The following SGCZ variants were observed in gnomAD, a reference collection of about 807,000 sequenced individuals.
SGCZ encodes the protein zeta-sarcoglycan.
SGCZ carries 40 observed loss-of-function variants against 41.3 expected under a neutral mutation model. The observed-to-expected ratio is 0.97, with a 90% confidence interval of 0.75 to 1.26. SGCZ has a LOEUF of 1.26. Among genes scored for constraint, SGCZ ranks in the 50% most tolerant of loss-of-function variants. The pLI, the probability that SGCZ is intolerant of heterozygous loss-of-function variation, is 0.00. For synonymous variants in SGCZ, 206 were observed against 137.5 expected, an observed-to-expected ratio of 1.50 and a Z score of -3.49; for missense variants, 552 against 369.8, an observed-to-expected ratio of 1.49 and a Z score of -4.04.
intron 1 of SGCZ, among the ~76,000 whole-genome samples, chr8:15,070,561 A>G (rs940922429): frequency 6.6e-5 from 10 of 152,190 alleles, no homozygotes; most frequent in Non-Finnish European, 1.3e-4. Flanking sequence ...TGTAACGAGT[A>G]AGAATTGCAT....
At chr8:14,961,623 A>G (rs1292841910) in intron 1 of SGCZ, among the ~76,000 whole-genome samples, 2 of 152,194 alleles carry the variant, frequency 1.3e-5, no homozygotes, top group Non-Finnish European at 2.9e-5. Flanking sequence ...TTTAAGAAAA[A>G]ACATAGTACA....
At chr8:15,123,443 T>C (rs1807561748) in intron 1 of SGCZ, among the ~76,000 whole-genome samples, 1 of 152,166 alleles carries the variant, frequency 6.6e-6, no homozygotes, top group African/African-American at 2.4e-5. Context: ...ATTTTTTGGT[T>C]TAATCATAGA....
chr8:14,128,316 CT>C (rs1364110361), intron 5 of SGCZ, among the ~76,000 whole-genome samples: 3 of 152,172 alleles, frequency 2.0e-5, no homozygotes, highest in Admixed American at 6.5e-5. Flanking sequence ...CTAAATGTCA[CT>C]GATTATCAGA....
At position 15,083,183 on chromosome 8, in the gene SGCZ, C is replaced by G. The variant is rs1037209357; in HGVS notation, c.39+154402G>C. Among the ~76,000 whole-genome samples, 4 of 152,256 alleles carry G rather than the reference C, an allele frequency of 2.6e-5. No homozygotes were observed. In the South Asian group the frequency reaches 8.3e-4, roughly 32 times the overall value. The stretch of plus-strand genomic sequence containing the variant: ...GAATTGTAAAATGAAACTAAGAGAC[C>G]TACAGATTATAAACATTCATATCAA... On this transcript the variant is annotated intron_variant, in intron 1 of 7. Coordinates refer to ENST00000382080, the MANE Select transcript of SGCZ (RefSeq NM_139167.4).
At chr8:14,484,556 A>G (rs1177891456) in intron 2 of SGCZ, among the ~76,000 whole-genome samples, 2 of 152,160 alleles carry the variant, frequency 1.3e-5, no homozygotes, top group East Asian at 3.8e-4. Flanking sequence ...TTACAGTACA[A>G]TGGGAGCATC....
intron 3 of SGCZ, among the ~76,000 whole-genome samples, chr8:14,292,356 A>G (rs909901266): frequency 2.6e-5 from 4 of 152,028 alleles, no homozygotes; most frequent in African/African-American, 9.7e-5. Flanking sequence ...CCTCTGAAGG[A>G]TGTAGCTCCT....
intron 1 of SGCZ, among the ~76,000 whole-genome samples, chr8:14,800,413 G>A (rs1480282236): frequency 6.6e-6 from 1 of 152,130 alleles, no homozygotes; most frequent in Non-Finnish European, 1.5e-5. Context: ...ATATGAAAAT[G>A]GAAAGGAATA....
chr8:15,190,741 G>A (rs77341655), intron 1 of SGCZ, among the ~76,000 whole-genome samples: 2,226 of 151,668 alleles, frequency 0.015, 73 homozygotes, highest in African/African-American at 0.052. Flanking sequence ...TCAAAAACTT[G>A]TTTTGGAGCC....
At chr8:14,995,710 T>C (rs1404667436) in intron 1 of SGCZ, among the ~76,000 whole-genome samples, 2 of 152,188 alleles carry the variant, frequency 1.3e-5, no homozygotes, top group Non-Finnish European at 2.9e-5. Flanking sequence ...ACATGTAAAA[T>C]AGCATAATAA....
chr8:14,129,540 C>T (rs1022607227), intron 5 of SGCZ, among the ~76,000 whole-genome samples: 20 of 151,316 alleles, frequency 1.3e-4, no homozygotes, highest in African/African-American at 4.9e-4. Context: ...ACACAACCTA[C>T]CCAAAATTTT....
In SGCZ at chr8:14,493,825, T is replaced by G. The variant is rs187631098; in HGVS notation, c.234+60907A>C. 1.5e-4 allele frequency among the ~76,000 whole-genome samples: 23 copies of G among 152,268 alleles called. 1 individual carries two copies. The highest frequency in any genetic ancestry group is 5.3e-4 in the African/African-American group (22 of 41,556). Reference sequence around the variant, plus strand: ...GTAACTTTCCTCCGTAGTGGGATTATTTTAGTTATAATACTGTTTTTATAT... The same window carrying G: ...GTAACTTTCCTCCGTAGTGGGATTAGTTTAGTTATAATACTGTTTTTATAT... On this transcript the variant is annotated intron_variant, in intron 2 of 7. Transcript: ENST00000382080.
chr8:14,658,509 C>A (rs940577135), intron 1 of SGCZ, among the ~76,000 whole-genome samples: 6 of 152,072 alleles, frequency 3.9e-5, no homozygotes, highest in African/African-American at 1.4e-4. Flanking sequence ...CAAGCCTTTG[C>A]AGTAGCTAAT....
chr8:14,232,160 A>G (rs1366312919), intron 4 of SGCZ, among the ~76,000 whole-genome samples: 1 of 151,474 alleles, frequency 6.6e-6, no homozygotes, highest in Non-Finnish European at 1.5e-5. Flanking sequence ...TATATATTTA[A>G]TTTCAATTTT....
rs1429358320 is a variant in SGCZ at position 14,652,842 on chromosome 8, A to G, written c.40-97916T>C. Among the ~76,000 whole-genome samples, 4 of 152,184 alleles carry G rather than the reference A, an allele frequency of 2.6e-5. No individual in the cohort carries two copies. In the East Asian group the frequency reaches 7.7e-4, roughly 29 times the overall value. On this transcript the variant is annotated intron_variant, in intron 1 of 7. Coordinates refer to ENST00000382080, the MANE Select transcript of SGCZ (RefSeq NM_139167.4). ...ATAGAAATAGACAAGTCTACAATGAATTTGGGTGGCCATTGGGTATCATTA... is the reference window on the plus strand; with the variant it reads ...ATAGAAATAGACAAGTCTACAATGAGTTTGGGTGGCCATTGGGTATCATTA...
intron 2 of SGCZ, among the ~76,000 whole-genome samples, chr8:14,497,973 T>A (rs1462104643): frequency 6.6e-6 from 1 of 152,168 alleles, no homozygotes; most frequent in Non-Finnish European, 1.5e-5. Context: ...CATATCCTCA[T>A]CACACAATAT....
chr8:15,201,623 C>A (rs976979277), intron 1 of SGCZ, among the ~76,000 whole-genome samples: 1 of 152,166 alleles, frequency 6.6e-6, no homozygotes, highest in Non-Finnish European at 1.5e-5. Context: ...CTAACAGGTA[C>A]CATTCAATGG....
chr8:14,097,357 G>C (rs1486216165), intron 7 of SGCZ, among the ~76,000 whole-genome samples: 1 of 152,148 alleles, frequency 6.6e-6, no homozygotes, highest in African/African-American at 2.4e-5. Context: ...GATTTACCCA[G>C]TAGTCATTCA....
intron 2 of SGCZ, among the ~76,000 whole-genome samples, chr8:14,360,573 G>A (rs1472297429): frequency 1.3e-5 from 2 of 152,082 alleles, no homozygotes; most frequent in Non-Finnish European, 2.9e-5. Flanking sequence ...TGATCTGCCT[G>A]CCTCGGCCTC....
chr8:14,249,230 C>T (rs568897075), intron 3 of SGCZ, among the ~76,000 whole-genome samples: 4 of 152,274 alleles, frequency 2.6e-5, no homozygotes, highest in Admixed American at 6.5e-5. Flanking sequence ...CAAGCTGGGA[C>T]ATGAGTCTTC....
Sources: gnomAD v4.1 joint callset for allele counts (sites outside exome capture counted in the v4.1 genomes callset) on GRCh38, gnomAD v4.1.1 for gene constraint, MANE v1.5 for transcripts, NCBI Gene and HGNC (gene_info 2026-07-23, HGNC 2026-07-21) for gene names.